Variants in CDH23 observed in about 807,000 individuals in gnomAD.
CDH23 encodes the protein cadherin-23.
CDH23 carries 189 observed loss-of-function variants against 317.1 expected under a neutral mutation model. The observed-to-expected ratio is 0.60, with a 90% CI of 0.53 to 0.67. The LOEUF is 0.67. CDH23 is among the 30% of genes least tolerant of loss of function. CDH23 has a pLI of 0.00. For missense variants in CDH23, 4,401 were observed against 4,592.4 expected (o/e 0.96, Z 1.20); for synonymous variants, 1,839 against 1,876.8 (o/e 0.98, Z 0.52).
chr10:71,587,529 G>A (rs908637035), intron 9 of CDH23, among the ~76,000 whole-genome samples: 1 of 152,210 alleles, frequency 6.6e-6, no homozygotes, highest in Non-Finnish European at 1.5e-5. Context: ...TTTCCCCGCT[G>A]TGTTAAACAT....
intron 8 of CDH23, among the ~76,000 whole-genome samples, chr10:71,574,940 G>A (rs984831838): frequency 2.3e-4 from 35 of 151,214 alleles, no homozygotes; most frequent in African/African-American, 8.3e-4. Flanking sequence ...AGTCACCTCC[G>A]CCTCCCTCCA....
intron 33 of CDH23, 143 bp from the exon 34 acceptor site, chr10:71,734,513 G>C: frequency 2.5e-6 from 4 of 1,590,740 alleles, no homozygotes; most frequent in Non-Finnish European, 3.4e-6. Context: ...AGCAGGTTGG[G>C]CTAGGATGAG....
chr10:71,517,763 A>G (rs1331706712), intron 6 of CDH23, among the ~76,000 whole-genome samples: 1 of 152,220 alleles, frequency 6.6e-6, no homozygotes, highest in Non-Finnish European at 1.5e-5. Context: ...AGGGAGACCA[A>G]TAAATCATCG....
chr10:71,775,342 C>G (rs1159972696), intron 38 of CDH23, among the ~76,000 whole-genome samples: 2 of 152,180 alleles, frequency 1.3e-5, no homozygotes, highest in African/African-American at 2.4e-5. Context: ...TCCCCAGGGC[C>G]TAGCAGCCGG....
chr10:71,599,599 G>A (rs1589250411), intron 9 of CDH23, among the ~76,000 whole-genome samples: 1 of 152,158 alleles, frequency 6.6e-6, no homozygotes, highest in Non-Finnish European at 1.5e-5. Context: ...TGATGGTACC[G>A]AGAGCTTCAT....
At chr10:71,428,703 C>T (rs1281679056) in intron 1 of CDH23, among the ~76,000 whole-genome samples, 3 of 152,180 alleles carry the variant, frequency 2.0e-5, no homozygotes, top group Non-Finnish European at 4.4e-5. Flanking sequence ...ATTCCCCTGC[C>T]TCAGCCTCCT....
intron 3 of CDH23, among the ~76,000 whole-genome samples, chr10:71,448,242 C>T (rs1397814798): frequency 4.6e-5 from 7 of 152,226 alleles, no homozygotes; most frequent in Admixed American, 3.3e-4. Context: ...GTGACAAGCC[C>T]GGGCTGGAAG....
At position 71,511,509 on chromosome 10, in the gene CDH23, C is replaced by T. The variant is rs1048166121; in HGVS notation, c.429+297C>T. 2.6e-5 allele frequency among the ~76,000 whole-genome samples: 4 copies of T among 151,558 alleles called. No homozygotes were observed. The East Asian group carries it at 7.8e-4, about 30-fold the overall frequency. On this transcript the variant is annotated intron_variant, in intron 6 of 69. Transcript: ENST00000224721. ...CAAGAGTTGGGAGAAGCAGGTGTTG[C>T]ACCCTCTTTCCTTCCACTCGTATCC...
At chr10:71,582,247 G>A (rs1325497094) in intron 9 of CDH23, among the ~76,000 whole-genome samples, 1 of 152,188 alleles carries the variant, frequency 6.6e-6, no homozygotes, top group Non-Finnish European at 1.5e-5. Context: ...GCCGGCCAGT[G>A]CATTTGCCCA....
At chr10:71,681,349 A>C (rs1220911412) in intron 17 of CDH23, among the ~76,000 whole-genome samples, 1 of 152,168 alleles carries the variant, frequency 6.6e-6, no homozygotes, top group Non-Finnish European at 1.5e-5. Flanking sequence ...CCAGTTGAGA[A>C]TCAATGGCTT....
At chr10:71,808,884 C>T (rs981444378) in intron 60 of CDH23, among the ~76,000 whole-genome samples, 1 of 152,166 alleles carries the variant, frequency 6.6e-6, no homozygotes, top group African/African-American at 2.4e-5. Flanking sequence ...CCTGGAATGC[C>T]ATTTTGACCC....
At chr10:71,567,259 C>T (rs1857462323) in intron 7 of CDH23, among the ~76,000 whole-genome samples, 1 of 152,186 alleles carries the variant, frequency 6.6e-6, no homozygotes, top group African/African-American at 2.4e-5. Flanking sequence ...CCCAGGAGCC[C>T]GACTCCATAG....
intron 7 of CDH23, 89 bp from the exon 8 acceptor site, chr10:71,570,701 G>A (rs148524176): frequency 3.1e-4 from 447 of 1,453,092 alleles, no homozygotes; most frequent in Non-Finnish European, 3.9e-4. Flanking sequence ...TGTGCTGCAC[G>A]GTGCAGGTCT....
intron 3 of CDH23, among the ~76,000 whole-genome samples, chr10:71,478,232 A>G (rs1275246911): frequency 6.6e-6 from 1 of 152,206 alleles, no homozygotes; most frequent in Non-Finnish European, 1.5e-5. Context: ...AGCCTGGCAT[A>G]CATACTCTGC....
At chr10:71,611,234 G>C (rs1240847951) in intron 9 of CDH23, among the ~76,000 whole-genome samples, 1 of 152,200 alleles carries the variant, frequency 6.6e-6, no homozygotes, top group Non-Finnish European at 1.5e-5. Flanking sequence ...TGAAGGGAGC[G>C]AGGCAGGGAT....
At chr10:71,781,164 G>A (rs1455673586) in intron 41 of CDH23, among the ~76,000 whole-genome samples, 1 of 152,104 alleles carries the variant, frequency 6.6e-6, no homozygotes, top group Non-Finnish European at 1.5e-5. Context: ...AACAAAGAGC[G>A]GTGCGAAGAT....
chr10:71,505,849 A>ATTAC (rs1177050373), intron 3 of CDH23, among the ~76,000 whole-genome samples: 1 of 152,250 alleles, frequency 6.6e-6, no homozygotes, highest in Non-Finnish European at 1.5e-5. Flanking sequence ...TAAACATAGA[A>ATTAC]TTACTGTATG....
chr10:71,543,171 C>T (rs7918285), intron 6 of CDH23, among the ~76,000 whole-genome samples: 2,587 of 152,342 alleles, frequency 0.017, 98 homozygotes, highest in African/African-American at 0.058. Context: ...GCTGAGCACC[C>T]GGCCCCACCC....
At chr10:71,440,864 G>T (rs1234321048) in intron 2 of CDH23, among the ~76,000 whole-genome samples, 1 of 152,166 alleles carries the variant, frequency 6.6e-6, no homozygotes, top group South Asian at 2.1e-4. Context: ...ACATTCCTGT[G>T]GGGGGCCAGC....
Sources: gnomAD v4.1 joint callset for allele counts (sites outside exome capture counted in the v4.1 genomes callset) on GRCh38, gnomAD v4.1.1 for gene constraint, MANE v1.5 for transcripts, NCBI Gene and HGNC (gene_info 2026-07-23, HGNC 2026-07-21) for gene names.